Variants in CRTAM observed in about 807,000 individuals in gnomAD.
CRTAM encodes the protein cytotoxic and regulatory T-cell molecule.
Under a neutral mutation model 50.0 loss-of-function variants are expected in CRTAM, and 44 were observed. The ratio of observed to expected loss-of-function variants is 0.88; its 90% CI spans 0.69 to 1.13. CRTAM has a LOEUF of 1.13. Ranked by LOEUF, CRTAM falls within the 50% of genes most tolerant of loss-of-function variation. The probability of loss-of-function intolerance (pLI) is 0.00; values close to 1 mark genes in which losing one functional copy is unlikely to be tolerated. For synonymous variants in CRTAM, 159 were observed against 169.3 expected (o/e 0.94, Z 0.47); for missense variants, 448 against 457.5 (o/e 0.98, Z 0.19).
intron 2 of CRTAM, among the ~76,000 whole-genome samples, chr11:122,851,183 T>G (rs1036870499): frequency 6.6e-6 from 1 of 151,776 alleles, no homozygotes; most frequent in Non-Finnish European, 1.5e-5. Flanking sequence ...GGAGAATCAC[T>G]TGAATCTGGG....
At chr11:122,855,019 C>T (rs999117215) in intron 4 of CRTAM, among the ~76,000 whole-genome samples, 1 of 152,196 alleles carries the variant, frequency 6.6e-6, no homozygotes, top group Non-Finnish European at 1.5e-5. Context: ...TCTTGACTCA[C>T]TGCAACCTCT....
intron 1 of CRTAM, among the ~76,000 whole-genome samples, chr11:122,846,871 T>C (rs1297304549): frequency 2.0e-5 from 3 of 152,212 alleles, no homozygotes; most frequent in African/African-American, 7.2e-5. Context: ...TAATGTCTAC[T>C]AGGACCTTAG....
chr11:122,847,583 T>C (rs1028556427), intron 1 of CRTAM, among the ~76,000 whole-genome samples: 3 of 152,188 alleles, frequency 2.0e-5, no homozygotes, highest in African/African-American at 7.2e-5. Flanking sequence ...CCTAGTGAGA[T>C]GTTACAGCTC....
rs148976484 is a variant in CRTAM, at chr11:122,851,857, C to T, written c.346+12C>T. 444 of 1,613,092 alleles carry T rather than the reference C, an allele frequency of 2.8e-4. 2 individuals carry two copies. In the African/African-American group the frequency reaches 5.4e-3, roughly 20 times the overall value. ...AGTGATTGTGCTGGGTAGGTACCTG[C>T]AAGTGAACCCAGTAGGGGAGCAATA... On this transcript the variant is annotated intron_variant, in intron 3 of 9. Coordinates refer to ENST00000227348, the MANE Select transcript of CRTAM (RefSeq NM_019604.4).
At chr11:122,850,760 C>T (rs1861920346) in intron 2 of CRTAM, among the ~76,000 whole-genome samples, 1 of 152,170 alleles carries the variant, frequency 6.6e-6, no homozygotes, top group South Asian at 2.1e-4. Flanking sequence ...AGTCATTTCT[C>T]TTTTCACAAA....
intron 7 of CRTAM, among the ~76,000 whole-genome samples, chr11:122,865,580 C>T (rs187637139): frequency 4.1e-4 from 62 of 152,252 alleles, no homozygotes; most frequent in African/African-American, 1.4e-3. Context: ...GCCACTGTGC[C>T]CAGTAAGCAA....
At chr11:122,863,355 G>GAAAGAAAGAAAGAAAGAAAGAA (rs1565292806) in intron 6 of CRTAM, among the ~76,000 whole-genome samples, 4 of 48,936 alleles carry the variant, frequency 8.2e-5, no homozygotes, top group South Asian at 5.9e-4. Context: ...GAAAGAAAAA[G>GAAAGAAAGAAAGAAAGAAAGAA]AAAGAAAGAA....
At chr11:122,852,656 C>T (rs1861946575) in intron 3 of CRTAM, among the ~76,000 whole-genome samples, 1 of 152,202 alleles carries the variant, frequency 6.6e-6, no homozygotes, top group South Asian at 2.1e-4. Flanking sequence ...ACCATTGTGA[C>T]TCAGCTCAGC....
At chr11:122,838,716 A>G (rs1385163056) in intron 1 of CRTAM, 124 bp downstream of exon 1, 1 of 797,172 alleles carries the variant, frequency 1.3e-6, no homozygotes, top group African/African-American at 1.7e-5. Flanking sequence ...GTAACTGCTA[A>G]TACTTTCCAA....
At chr11:122,861,561 A>G (rs541791607) in intron 5 of CRTAM, among the ~76,000 whole-genome samples, 1 of 148,872 alleles carries the variant, frequency 6.7e-6, no homozygotes, top group East Asian at 2.0e-4. Context: ...TTAGCCTCCC[A>G]AGTAGCTGGG....
In CRTAM at chr11:122,867,539, T is replaced by G. The variant is rs763802347; in HGVS notation, c.948T>G (p.His316Gln). ...TCATCATGAAGCTGAGGAAAGCACA[T>G]GTGATATGGAAGAAAGGTCAGTGGG... ...QLFIMKLRKA[H>Q]VIWKKENEVS... Residue 316 changes from histidine to glutamine, a missense_variant, in exon 8 of 10, where the codon CAT becomes CAG. Transcript: ENST00000227348. 3.1e-6 allele frequency: 5 copies of G among 1,613,774 alleles called. No individual in the cohort carries two copies. The African/African-American group carries it at 5.3e-5, about 17-fold the overall frequency.
At chr11:122,848,798 T>C (rs1254417308) in intron 1 of CRTAM, among the ~76,000 whole-genome samples, 2 of 152,226 alleles carry the variant, frequency 1.3e-5, no homozygotes, top group African/African-American at 4.8e-5. Flanking sequence ...CCCATGGTAT[T>C]CTTCTGTTTA....
Position 122,862,539 on chromosome 11 carries a change from G to C in CRTAM, c.728G>C (p.Ser243Thr). 6.3e-7 allele frequency: 1 copy of C among 1,577,696 alleles called. No homozygotes were observed. Among genetic ancestry groups the C allele is most frequent in the Non-Finnish European group, 8.7e-7 (1 of 1,151,816 alleles). Residue 243 changes from serine to threonine, a missense_variant, in exon 6 of 10, where the codon AGT becomes ACT. By Grantham distance (58) the Ser-to-Thr change is moderately conservative (BLOSUM62 1). Transcript: ENST00000227348. Reference sequence around the variant, plus strand: ...TCTCAAGACCCACAGCAGCCCACCAGTACTGGTAAGTGTCAAAATCATTCA... The same window carrying C: ...TCTCAAGACCCACAGCAGCCCACCACTACTGGTAAGTGTCAAAATCATTCA... ...LSSQDPQQPT[S>T]TVSVTEDSST...
intron 1 of CRTAM, among the ~76,000 whole-genome samples, chr11:122,847,009 C>T (rs1861872167): frequency 6.6e-6 from 1 of 152,170 alleles, no homozygotes; most frequent in Admixed American, 6.5e-5. Flanking sequence ...AGAGTCAGTT[C>T]AGCTTTTCAA....
chr11:122,851,780 G>T lies in CRTAM; in HGVS notation c.281G>T (p.Gly94Val). The T allele has an allele frequency of 1.2e-6, 2 of 1,614,164 alleles. No individual in the cohort carries two copies. The highest frequency in any genetic ancestry group is 1.7e-6 in the Non-Finnish European group (2 of 1,180,008). Residue 94 changes from glycine (G) to valine (V), a missense_variant, in exon 3 of 10, where the codon GGC becomes GTC. Coordinates refer to ENST00000227348, the MANE Select transcript of CRTAM (RefSeq NM_019604.4). ...CCTAACGTAACCCTGCAAGATGAAG[G>T]CGTGTACAAGTGCTTACATTACAGC... ...TVPNVTLQDE[G>V]VYKCLHYSDS...
intron 5 of CRTAM, among the ~76,000 whole-genome samples, chr11:122,860,153 T>C (rs139168558): frequency 0.014 from 2,094 of 152,256 alleles, 61 homozygotes; most frequent in African/African-American, 0.048. Context: ...GTTCAAGCAA[T>C]ACTCCCACCT....
intron 5 of CRTAM, 35 bp from the exon 6 acceptor site, chr11:122,862,429 T>C (rs1395677132): frequency 1.5e-6 from 2 of 1,362,764 alleles, no homozygotes; most frequent in East Asian, 2.3e-5. Context: ...AACTGCTCTC[T>C]ATAGTAGCAG....
intron 1 of CRTAM, 27 bp downstream of exon 1, chr11:122,838,619 T>C (rs968016613): frequency 1.9e-6 from 3 of 1,611,500 alleles, no homozygotes; most frequent in Admixed American, 3.3e-5. Flanking sequence ...ATTTTTGTTG[T>C]TGCTCAGCTG....
At chr11:122,840,905 T>C (rs984146209) in intron 1 of CRTAM, among the ~76,000 whole-genome samples, 1 of 152,102 alleles carries the variant, frequency 6.6e-6, no homozygotes, top group Non-Finnish European at 1.5e-5. Flanking sequence ...AAATGAAGCA[T>C]TTTTCAAAAT....
Sources: allele counts gnomAD v4.1 joint callset (sites outside exome capture counted in the v4.1 genomes callset), GRCh38; gene constraint gnomAD v4.1.1; transcripts MANE v1.5; gene names NCBI Gene and HGNC (gene_info 2026-07-23, HGNC 2026-07-21).